The following YTHDC1 variants were observed in gnomAD, a reference collection of about 807,000 sequenced individuals.
YTHDC1 encodes the protein YTH N6-methyladenosine RNA binding protein C1.
YTHDC1 carries 12 observed loss-of-function variants against 107.0 expected under a neutral mutation model. That is an observed-to-expected ratio of 0.11 (90% CI 0.07 to 0.18). The LOEUF is 0.18. Ranked by LOEUF, YTHDC1 falls within the 10% of genes least tolerant of loss-of-function variation. The pLI, the probability that YTHDC1 is intolerant of heterozygous loss-of-function variation, is 1.00. For synonymous variants in YTHDC1, 280 were observed against 289.5 expected, an observed-to-expected ratio of 0.97 and a Z score of 0.33; for missense variants, 635 against 898.8, an observed-to-expected ratio of 0.71 and a Z score of 3.75.
At position 68,319,231 on chromosome 4, in the gene YTHDC1, T is replaced by C. The variant is rs1722178913; in HGVS notation, c.1685-369A>G. The stretch of plus-strand genomic sequence containing the variant: ...TTAAAACAAATGTTTACTTTCCACC[T>C]TGGGTATATGTAGGTCTTACCAAGA... On this transcript the variant is annotated intron_variant, in intron 12 of 16. Coordinates refer to ENST00000344157, the MANE Select transcript of YTHDC1 (RefSeq NM_001031732.4). Among the ~76,000 whole-genome samples, 2 of 152,130 alleles carry C rather than the reference T, an allele frequency of 1.3e-5. 1 individual carries two copies. Among genetic ancestry groups the C allele is most frequent in the Non-Finnish European group, 2.9e-5 (2 of 67,992 alleles).
In YTHDC1 at chr4:68,311,869, C is replaced by G. The variant is rs1459221935; in HGVS notation, c.*2230G>C. ...ATGTTAATGTTTAAAAATCTCAGGC[C>G]AGGTGCAGTGGCTCACGCCTGTAAT... On this transcript the variant is annotated 3_prime_UTR_variant, in exon 17 of 17. Coordinates refer to ENST00000344157, the MANE Select transcript of YTHDC1 (RefSeq NM_001031732.4). 6.6e-6 allele frequency: 1 copy of G among 152,214 alleles called. No individual in the cohort carries two copies. The highest frequency in any genetic ancestry group is 2.4e-5 in the African/African-American group (1 of 41,440). The allele number at this position is 152,214 out of a possible 1,614,324, so 9.4% of individuals were successfully genotyped here. A position where few individuals can be genotyped will look rare whatever the true frequency, so the allele number is the denominator to read the frequency against.
chr4:68,324,268 TA>T (rs760341408), intron 9 of YTHDC1, 45 bp from the exon 10 acceptor site: 1 of 1,533,430 alleles, frequency 6.5e-7, no homozygotes, highest in South Asian at 1.1e-5. Context: ...CAGAATCCTT[TA>T]AGGACCTTAT....
chr4:68,327,296 A>T (rs992854261), intron 9 of YTHDC1, among the ~76,000 whole-genome samples: 3 of 152,178 alleles, frequency 2.0e-5, no homozygotes, highest in African/African-American at 7.2e-5. Context: ...GGTTGTTTGG[A>T]ATGGACATGA....
intron 9 of YTHDC1, among the ~76,000 whole-genome samples, chr4:68,327,687 T>G (rs1723148186): frequency 6.6e-6 from 1 of 152,218 alleles, no homozygotes; most frequent in African/African-American, 2.4e-5. Context: ...CAGCAGTTAC[T>G]GTTGATAGCA....
Position 68,322,785 on chromosome 4 carries a change from C to G in YTHDC1, c.1565G>C (p.Arg522Pro). ...RMHSQPRSRG[R>P]PSRREPVRDV... The stretch of plus-strand genomic sequence containing the variant: ...CCGGACTGGTTCTCGACGGGATGGA[C>G]GTCCTCGTGATCGGGGCTGAGAATG... Residue 522 changes from arginine to proline, a missense_variant, in exon 11 of 17, where the codon CGT (arginine) becomes CCT (proline). Physicochemically the swap from Arg to Pro is moderately radical, Grantham distance 103. Around this residue, in one of 5 missense-constraint regions of YTHDC1, gnomAD observed 256 missense variants for 372.9 expected, o/e 0.69. Transcript: ENST00000344157. The surrounding 1 kb of genome is among the most constrained non-coding windows in gnomAD (Gnocchi z 4.8). 6.2e-7 allele frequency: 1 copy of G among 1,614,132 alleles called. No individual in the cohort carries two copies. Among genetic ancestry groups the G allele is most frequent in the Non-Finnish European group, 8.5e-7 (1 of 1,180,014 alleles).
rs1442566877 is a variant in YTHDC1 at position 68,311,404 on chromosome 4, C to T, written c.*2695G>A. ...ACTATTACTCCAGCCAATAAAATCC[C>T]TGACCGGATTTCTAAACTCGGAATG... On this transcript the variant is annotated 3_prime_UTR_variant, in exon 17 of 17. Transcript: ENST00000344157. The T allele has an allele frequency of 6.6e-6, 1 of 152,028 alleles. No homozygotes were observed. The highest frequency in any genetic ancestry group is 1.5e-5 in the Non-Finnish European group (1 of 68,018). The allele number at this position is 152,028 out of a possible 1,614,324, so 9.4% of individuals were successfully genotyped here.
At position 68,311,077 on chromosome 4, in the gene YTHDC1, A is replaced by G. The variant is rs1721270294; in HGVS notation, c.*3022T>C. ...TAATCCTCACAGAGGTGACCATAACATGTGCCTCTCTTGCTTCCCAATGCT... is the reference window on the plus strand; with the variant it reads ...TAATCCTCACAGAGGTGACCATAACGTGTGCCTCTCTTGCTTCCCAATGCT... On this transcript the variant is annotated 3_prime_UTR_variant, in exon 17 of 17. Coordinates refer to ENST00000344157, the MANE Select transcript of YTHDC1 (RefSeq NM_001031732.4). 6.6e-6 allele frequency: 1 copy of G among 152,294 alleles called. No homozygotes were observed. The highest frequency in any genetic ancestry group is 2.4e-5 in the African/African-American group (1 of 41,558). The allele number at this position is 152,294 out of a possible 1,614,324, so 9.4% of individuals were successfully genotyped here.
At chr4:68,326,225 T>C (rs187098530) in intron 9 of YTHDC1, among the ~76,000 whole-genome samples, 1 of 152,142 alleles carries the variant, frequency 6.6e-6, no homozygotes, top group Non-Finnish European at 1.5e-5. Context: ...AAATGTATCA[T>C]TTGGGGTTGA....
At chr4:68,332,552 A>T (rs1359616267) in intron 6 of YTHDC1, among the ~76,000 whole-genome samples, 1 of 151,436 alleles carries the variant, frequency 6.6e-6, no homozygotes, top group African/African-American at 2.4e-5. Flanking sequence ...ACATACACAC[A>T]TACACACACA....
chr4:68,342,320 T>C (rs1724897495), intron 1 of YTHDC1, among the ~76,000 whole-genome samples: 1 of 152,132 alleles, frequency 6.6e-6, no homozygotes. Flanking sequence ...CCAACATTTC[T>C]GTGTGTGTGA....
intron 1 of YTHDC1, chr4:68,344,141 T>C (rs1461544701): frequency 6.6e-6 from 1 of 151,942 alleles, no homozygotes; most frequent in Non-Finnish European, 1.5e-5. Flanking sequence ...TCTGGGTTTG[T>C]ATCTGGTGAA....
chr4:68,325,579 A>T (rs557864992), intron 9 of YTHDC1, among the ~76,000 whole-genome samples: 2 of 152,210 alleles, frequency 1.3e-5, no homozygotes, highest in South Asian at 4.2e-4. Flanking sequence ...TAGAGATTGG[A>T]TCTATTTTGC....
At chr4:68,321,016 G>C (rs1722393613) in intron 11 of YTHDC1, among the ~76,000 whole-genome samples, 1 of 152,010 alleles carries the variant, frequency 6.6e-6, no homozygotes, top group Admixed American at 6.6e-5. Flanking sequence ...ACTGACTACA[G>C]AGGGCTGTTC....
chr4:68,333,350 C>T lies in YTHDC1; in HGVS notation c.931G>A (p.Val311Ile). The T allele has an allele frequency of 1.2e-6, 2 of 1,613,030 alleles. No individual in the cohort carries two copies. Among genetic ancestry groups the T allele is most frequent in the Admixed American group, 3.3e-5 (2 of 59,918 alleles). ...RKRARGISPIVFDRSGSSASE... is the reference protein window; with the variant it reads ...RKRARGISPIIFDRSGSSASE... ...GCAGAGCTTCCACTTCTATCAAAAACAATTGGAGATATGCCTCTAGCTCTC... is the reference window on the plus strand; with the variant it reads ...GCAGAGCTTCCACTTCTATCAAAAATAATTGGAGATATGCCTCTAGCTCTC... Residue 311 changes from valine (V) to isoleucine (I), a missense_variant, in exon 5 of 17, where the codon GTT (valine) becomes ATT (isoleucine). Val to Ile is a conservative substitution (Grantham distance 29). Around this residue, in one of 5 missense-constraint regions of YTHDC1, gnomAD observed 60 missense variants for 172.0 expected, o/e 0.35. Transcript: ENST00000344157.
At position 68,311,895 on chromosome 4, in the gene YTHDC1, C is replaced by T. The variant is rs1347431169; in HGVS notation, c.*2204G>A. On this transcript the variant is annotated 3_prime_UTR_variant, in exon 17 of 17. Coordinates refer to ENST00000344157, the MANE Select transcript of YTHDC1 (RefSeq NM_001031732.4). ...AGGTGCAGTGGCTCACGCCTGTAAT[C>T]CCAACACTTTAGGAGGCTGAGGCAG... 2.4e-4 allele frequency: 36 copies of T among 152,248 alleles called. No homozygotes were observed. Among genetic ancestry groups the T allele is most frequent in the Admixed American group, 2.4e-3 (36 of 15,280 alleles). 9.4% of individuals were successfully genotyped at this position (152,248 alleles called of 1,614,324 possible). A position where few individuals can be genotyped will look rare whatever the true frequency, so the allele number is the denominator to read the frequency against.
rs374001266 is a variant in YTHDC1 at position 68,339,084 on chromosome 4, A to G, written c.29-700T>C. On this transcript the variant is annotated intron_variant, in intron 1 of 16. Transcript: ENST00000344157. ...AAATACACATTTACCAAAAATGTGC[A>G]CTCTCCACAATTACAAAGGGAAAAC... Among the ~76,000 whole-genome samples the G allele has an allele frequency of 1.4e-4, 22 of 152,312 alleles. No individual in the cohort carries two copies. The East Asian group carries it at 3.9e-3, about 27-fold the overall frequency.
intron 9 of YTHDC1, among the ~76,000 whole-genome samples, chr4:68,327,867 A>G (rs1370088931): frequency 6.6e-6 from 1 of 152,204 alleles, no homozygotes; most frequent in Non-Finnish European, 1.5e-5. Flanking sequence ...GTAAAATTAC[A>G]CTTGAATAGA....
chr4:68,348,210 C>T (rs141311838), intron 1 of YTHDC1, among the ~76,000 whole-genome samples: 2,309 of 152,254 alleles, frequency 0.015, 31 homozygotes, highest in African/African-American at 0.022. Flanking sequence ...ACTCTATTAA[C>T]GACTTGTAAA....
At chr4:68,347,176 C>T (rs1184004834) in intron 1 of YTHDC1, among the ~76,000 whole-genome samples, 7 of 152,100 alleles carry the variant, frequency 4.6e-5, no homozygotes, top group African/African-American at 1.7e-4. Context: ...CTAGAAAACA[C>T]GTTATTTTTA....
Sources: allele counts gnomAD v4.1 joint callset (sites outside exome capture counted in the v4.1 genomes callset), GRCh38; gene constraint gnomAD v4.1.1; regional missense constraint gnomAD v4.1.1; non-coding constraint Gnocchi (gnomAD v3.1); transcripts MANE v1.5; gene names NCBI Gene and HGNC (gene_info 2026-07-23, HGNC 2026-07-21).